Variants in HIGD1A observed in about 807,000 individuals in gnomAD.
HIGD1A encodes HIG1 hypoxia inducible domain family member 1A, also known as HIG1 domain family member 1A, mitochondrial.
A neutral mutation model predicts 11.3 loss-of-function variants in HIGD1A; 8 were observed. That is an observed-to-expected ratio of 0.71 (90% CI 0.42 to 1.28). The LOEUF (loss-of-function observed/expected upper bound fraction) is 1.28, where lower values mean the gene tolerates loss of function less well. Ranked by LOEUF, HIGD1A falls within the 50% of genes most tolerant of loss-of-function variation. HIGD1A has a pLI of 0.01. For missense variants in HIGD1A, 107 were observed against 118.8 expected (o/e 0.90, Z 0.46); for synonymous variants, 32 against 38.4 (o/e 0.83, Z 0.62).
intron 2 of HIGD1A, among the ~76,000 whole-genome samples, chr3:42,792,936 C>T (rs896221404): frequency 4.6e-5 from 7 of 151,072 alleles, no homozygotes; most frequent in East Asian, 1.9e-4. Context: ...GAGCCGATAT[C>T]GCGCCACTGC....
At chr3:42,804,095 G>C in intron 1 of HIGD1A, 2 of 1,436,896 alleles carry the variant, frequency 1.4e-6, no homozygotes, top group Non-Finnish European at 1.9e-6. Context: ...CCCCGCCGTC[G>C]GGCCCAGTCA....
chr3:42,801,024 G>C (rs757499671), intron 1 of HIGD1A, among the ~76,000 whole-genome samples: 1 of 152,070 alleles, frequency 6.6e-6, no homozygotes, highest in Non-Finnish European at 1.5e-5. Context: ...CTTCTCAGAG[G>C]TTTTTTACTA....
intron 1 of HIGD1A, among the ~76,000 whole-genome samples, chr3:42,800,054 C>T (rs1169579489): frequency 6.6e-6 from 1 of 152,052 alleles, no homozygotes; most frequent in Admixed American, 6.6e-5. Context: ...CGGGCAGGTG[C>T]GGTGGCTCAT....
At chr3:42,787,616 T>C (rs1276636814) in intron 2 of HIGD1A, among the ~76,000 whole-genome samples, 1 of 143,364 alleles carries the variant, frequency 7.0e-6, no homozygotes, top group South Asian at 2.1e-4. Context: ...TATATATATA[T>C]ATATAAATTT....
In HIGD1A at chr3:42,788,890, T is replaced by TA. The variant is rs555281635; in HGVS notation, c.98-2729dup. Among the ~76,000 whole-genome samples, 1,183 of 129,856 alleles carry TA rather than the reference T, an allele frequency of 9.1e-3. 9 individuals carry two copies. The highest frequency in any genetic ancestry group is 0.014 in the Non-Finnish European group (855 of 59,620). The allele number at this position is 129,856 out of a possible 152,430, so 85.2% of individuals were successfully genotyped here. On this transcript the variant is annotated intron_variant, in intron 2 of 3. Coordinates refer to ENST00000321331, the MANE Select transcript of HIGD1A (RefSeq NM_014056.4). The stretch of plus-strand genomic sequence containing the variant: ...GGGACTGTCTCCAAAAACTAAAAAA[T>TA]AAAAAAAAAAGCCATGAGAAGAGAA...
chr3:42,788,024 C>T (rs987430405), intron 2 of HIGD1A, among the ~76,000 whole-genome samples: 1 of 11,950 alleles, frequency 8.4e-5, no homozygotes, highest in Non-Finnish European at 4.0e-3. Flanking sequence ...ACACACATAC[C>T]CCCACCTCTA....
chr3:42,799,434 G>A (rs1406928585), intron 1 of HIGD1A, among the ~76,000 whole-genome samples: 1 of 152,134 alleles, frequency 6.6e-6, no homozygotes, highest in African/African-American at 2.4e-5. Flanking sequence ...TTTGTTTTAG[G>A]AAAGGGCTGT....
At chr3:42,803,141 G>C (rs1700590070) in intron 1 of HIGD1A, among the ~76,000 whole-genome samples, 1 of 152,064 alleles carries the variant, frequency 6.6e-6, no homozygotes, top group African/African-American at 2.4e-5. Flanking sequence ...TTGAATAGAC[G>C]CTAAAAAAGG....
chr3:42,790,490 G>A (rs1700410898), intron 2 of HIGD1A, among the ~76,000 whole-genome samples: 2 of 152,148 alleles, frequency 1.3e-5, no homozygotes, highest in Non-Finnish European at 2.9e-5. Context: ...CTGAGATTGT[G>A]CCACTGCACT....
intron 1 of HIGD1A, among the ~76,000 whole-genome samples, chr3:42,799,590 T>C (rs1268730812): frequency 6.6e-6 from 1 of 151,410 alleles, no homozygotes; most frequent in African/African-American, 2.4e-5. Context: ...ACAGCTGGGA[T>C]AACAGGTGTG....
chr3:42,785,378 A>C, intron 3 of HIGD1A, 58 bp from the exon 4 acceptor site: 1 of 1,412,678 alleles, frequency 7.1e-7, no homozygotes, highest in Non-Finnish European at 1.0e-6. Flanking sequence ...TTCAAAAATA[A>C]AAACCAGTTC....
rs1700330860 is a variant in HIGD1A at position 42,784,866 on chromosome 3, A to G, written c.*405T>C. On this transcript the variant is annotated 3_prime_UTR_variant, in exon 4 of 4. Coordinates refer to ENST00000321331, the MANE Select transcript of HIGD1A (RefSeq NM_014056.4). ...AGCCAGTCCACAAAACAGGCAGACA[A>G]AAGTTGAATTAACTGGGGCAAATAG... The G allele has an allele frequency of 5.9e-6, 1 of 168,448 alleles. No individual in the cohort carries two copies. Among genetic ancestry groups the G allele is most frequent in the Non-Finnish European group, 1.3e-5 (1 of 79,078 alleles). The allele number at this position is 168,448 out of a possible 1,614,324, so 10.4% of individuals were successfully genotyped here. A position where few individuals can be genotyped will look rare whatever the true frequency, so the allele number is the denominator to read the frequency against.
Position 42,784,891 on chromosome 3 carries a change from G to C in HIGD1A, c.*380C>G, listed in dbSNP as rs1423510645. The C allele has an allele frequency of 5.4e-6, 1 of 186,340 alleles. No individual in the cohort carries two copies. The highest frequency in any genetic ancestry group is 1.1e-5 in the Non-Finnish European group (1 of 90,980). The allele number at this position is 186,340 out of a possible 1,614,324, so 11.5% of individuals were successfully genotyped here. On this transcript the variant is annotated 3_prime_UTR_variant, in exon 4 of 4. Coordinates refer to ENST00000321331, the MANE Select transcript of HIGD1A (RefSeq NM_014056.4). ...AAAGTTGAATTAACTGGGGCAAATA[G>C]GACTCTTATGCAACATCCAAAATAT...
chr3:42,796,445 TTAA>T (rs200319751), intron 1 of HIGD1A, among the ~76,000 whole-genome samples: 47 of 82,980 alleles, frequency 5.7e-4, no homozygotes, highest in South Asian at 1.0e-3. Flanking sequence ...GTTTTTTTTT[TTAA>T]AAAAAAAAGA....
At chr3:42,804,403 C>T in intron 1 of HIGD1A, 33 bp downstream of exon 1, 1 of 521,830 alleles carries the variant, frequency 1.9e-6, no homozygotes, top group South Asian at 2.6e-5. Flanking sequence ...GCCCGAGTCC[C>T]TGGCTCGCAG....
chr3:42,793,285 T>C (rs891540507), intron 2 of HIGD1A, among the ~76,000 whole-genome samples: 2 of 152,310 alleles, frequency 1.3e-5, no homozygotes, highest in East Asian at 3.9e-4. Flanking sequence ...TTAATATGCC[T>C]GCGAGTCCGA....
Position 42,784,270 on chromosome 3 carries a change from C to G in HIGD1A, c.*1001G>C, listed in dbSNP as rs1365709184. On this transcript the variant is annotated 3_prime_UTR_variant, in exon 4 of 4. Transcript: ENST00000321331. ...CTCAAATTTGTTCCTCTACAGAAAGCTTTTCCTCATGAAATAAATAAAAGA... is the reference window on the plus strand; with the variant it reads ...CTCAAATTTGTTCCTCTACAGAAAGGTTTTCCTCATGAAATAAATAAAAGA... 1 of 152,170 alleles carries G rather than the reference C, an allele frequency of 6.6e-6. No individual in the cohort carries two copies. The highest frequency in any genetic ancestry group is 2.4e-5 in the African/African-American group (1 of 41,452). 9.4% of individuals were successfully genotyped at this position (152,170 alleles called of 1,614,324 possible).
At chr3:42,788,890 TA>T (rs555281635) in intron 2 of HIGD1A, among the ~76,000 whole-genome samples, 16 of 129,722 alleles carry the variant, frequency 1.2e-4, no homozygotes, top group African/African-American at 1.2e-4. Flanking sequence ...AACTAAAAAA[TA>T]AAAAAAAAAG....
Position 42,785,194 on chromosome 3 carries a change from A to C in HIGD1A, c.*77T>G. The C allele has an allele frequency of 8.9e-7, 1 of 1,126,830 alleles. No individual in the cohort carries two copies. The highest frequency in any genetic ancestry group is 1.3e-6 in the Non-Finnish European group (1 of 759,826). The allele number at this position is 1,126,830 out of a possible 1,614,324, so 69.8% of individuals were successfully genotyped here. A position where few individuals can be genotyped will look rare whatever the true frequency, so the allele number is the denominator to read the frequency against. On this transcript the variant is annotated 3_prime_UTR_variant, in exon 4 of 4. Transcript: ENST00000321331. ...CCATACAAATTAGTTTATTTCCAACAATAATAGGTAACTTTAATAATAAGA... is the reference window on the plus strand; with the variant it reads ...CCATACAAATTAGTTTATTTCCAACCATAATAGGTAACTTTAATAATAAGA...
Sources: gnomAD v4.1 joint callset for allele counts (sites outside exome capture counted in the v4.1 genomes callset) on GRCh38, gnomAD v4.1.1 for gene constraint, MANE v1.5 for transcripts, NCBI Gene and HGNC (gene_info 2026-07-23, HGNC 2026-07-21) for gene names.